The following CD1B variants were observed in gnomAD, a reference collection of about 807,000 sequenced individuals.
CD1B encodes T-cell surface glycoprotein CD1b.
Under a neutral mutation model 39.8 loss-of-function variants are expected in CD1B, and 43 were observed. The observed-to-expected ratio is 1.08, with a 90% confidence interval of 0.85 to 1.39. CD1B has a LOEUF of 1.39. Ranked by LOEUF, CD1B falls within the 40% of genes most tolerant of loss-of-function variation. The pLI is 0.00. For synonymous variants in CD1B, 192 were observed against 152.5 expected (o/e 1.26, Z -1.91); for missense variants, 495 against 403.8 (o/e 1.23, Z -1.94).
At chr1:158,304,615 G>A in the CD1B span, among the ~76,000 whole-genome samples, 8 of 152,210 alleles carry the variant, frequency 5.3e-5, no homozygotes, top group African/African-American at 1.7e-4. Flanking sequence ...TGCAGCTGGA[G>A]ATCTGAGAAT....
At chr1:158,304,956 C>T in the CD1B span, among the ~76,000 whole-genome samples, 1 of 151,940 alleles carries the variant, frequency 6.6e-6, no homozygotes, top group African/African-American at 2.4e-5. Context: ...TCATCAAAGA[C>T]CAAAGGTAGA....
chr1:158,291,315 G>A, the CD1B span: 2 of 1,614,102 alleles, frequency 1.2e-6, no homozygotes, highest in Non-Finnish European at 1.7e-6. Flanking sequence ...ATGAAGAGTT[G>A]TCAGACCTAG....
chr1:158,293,911 C>G, the CD1B span, among the ~76,000 whole-genome samples: 1 of 152,226 alleles, frequency 6.6e-6, no homozygotes, highest in Admixed American at 6.5e-5. Flanking sequence ...GTTGGATTAA[C>G]TGTCATGTTG....
the CD1B span, chr1:158,292,848 G>A: frequency 1.2e-6 from 2 of 1,614,166 alleles, no homozygotes; most frequent in Non-Finnish European, 8.5e-7. Flanking sequence ...AGCAGTCTAG[G>A]AGGCCAGGAC....
chr1:158,313,513 G>A, the CD1B span, among the ~76,000 whole-genome samples: 4 of 152,050 alleles, frequency 2.6e-5, no homozygotes, highest in African/African-American at 9.7e-5. Flanking sequence ...GTTTCATCAT[G>A]TTGACAGGCT....
intron 2 of CD1B, 36 bp from the exon 3 acceptor site, chr1:158,330,166 C>G: frequency 6.5e-7 from 1 of 1,541,536 alleles, no homozygotes; most frequent in Non-Finnish European, 8.7e-7. Context: ...TTATTAAACA[C>G]AAATAAGAAA....
downstream of CD1B, among the ~76,000 whole-genome samples, chr1:158,326,767 T>G (rs1652367580): frequency 6.6e-6 from 1 of 151,864 alleles, no homozygotes. Context: ...TTTATACTGC[T>G]TTATGTTTGC....
intron 5 of CD1B, among the ~76,000 whole-genome samples, 199 bp from the exon 6 acceptor site, chr1:158,328,456 C>CT (rs1171794814): frequency 2.6e-5 from 4 of 152,102 alleles, no homozygotes; most frequent in Admixed American, 6.6e-5. Flanking sequence ...CTTTCATATG[C>CT]TACAATGAGG....
At chr1:158,293,109 A>T in the CD1B span, 1 of 987,430 alleles carries the variant, frequency 1.0e-6, no homozygotes, top group Non-Finnish European at 1.6e-6. Flanking sequence ...AGGATAACTG[A>T]TGCAACTCAT....
downstream of CD1B, among the ~76,000 whole-genome samples, chr1:158,324,061 C>T (rs1166193973): frequency 4.6e-5 from 7 of 152,210 alleles, no homozygotes; most frequent in Non-Finnish European, 7.3e-5. Flanking sequence ...AGCCAAATTA[C>T]AGGGTAAGTT....
chr1:158,300,482 G>C, the CD1B span, among the ~76,000 whole-genome samples: 1 of 152,258 alleles, frequency 6.6e-6, no homozygotes, highest in East Asian at 1.9e-4. Context: ...GAGTACCGTA[G>C]ATGTCTATTA....
downstream of CD1B, among the ~76,000 whole-genome samples, chr1:158,323,274 G>A (rs539858089): frequency 2.3e-3 from 345 of 150,724 alleles, 2 homozygotes; most frequent in African/African-American, 8.1e-3. Flanking sequence ...TAATTCTGCT[G>A]TTAATGCTCG....
At chr1:158,317,259 C>A in the CD1B span, among the ~76,000 whole-genome samples, 1 of 151,978 alleles carries the variant, frequency 6.6e-6, no homozygotes, top group Non-Finnish European at 1.5e-5. Flanking sequence ...CCTTGTACCT[C>A]TGGTAGAATT....
chr1:158,294,246 G>C, the CD1B span, among the ~76,000 whole-genome samples: 13 of 152,322 alleles, frequency 8.5e-5, no homozygotes, highest in Non-Finnish European at 1.5e-5. Flanking sequence ...GGCAACCGTT[G>C]TGCTGTATAT....
chr1:158,309,904 CACA>C, the CD1B span, among the ~76,000 whole-genome samples: 2 of 151,720 alleles, frequency 1.3e-5, no homozygotes, highest in Non-Finnish European at 1.5e-5. Context: ...ATGGCTGCAG[CACA>C]ACAACATGGC....
At chr1:158,320,548 A>G in the CD1B span, among the ~76,000 whole-genome samples, 1 of 152,004 alleles carries the variant, frequency 6.6e-6, no homozygotes, top group South Asian at 2.1e-4. Context: ...ACTGACCTGC[A>G]CCCACTGTCT....
the CD1B span, among the ~76,000 whole-genome samples, chr1:158,321,737 A>C: frequency 2.0e-5 from 3 of 152,110 alleles, no homozygotes; most frequent in East Asian, 5.8e-4. Context: ...GTTTACATCA[A>C]GTTGTTTTAT....
At chr1:158,285,470 G>T in the CD1B span, among the ~76,000 whole-genome samples, 1 of 152,060 alleles carries the variant, frequency 6.6e-6, no homozygotes, top group Non-Finnish European at 1.5e-5. Context: ...AGGGAGTTTA[G>T]GTAGAATTGG....
chr1:158,320,714 A>C, the CD1B span, among the ~76,000 whole-genome samples: 2 of 151,388 alleles, frequency 1.3e-5, no homozygotes, highest in East Asian at 3.9e-4. Flanking sequence ...TTGTGTTCCC[A>C]TTTCCATTTT....
Sources: gnomAD v4.1 joint callset for allele counts (sites outside exome capture counted in the v4.1 genomes callset) on GRCh38, gnomAD v4.1.1 for gene constraint, MANE v1.5 for transcripts, NCBI Gene and HGNC (gene_info 2026-07-23, HGNC 2026-07-21) for gene names.